NMT2: variants seen among roughly 807,000 people sequenced by gnomAD.
The protein encoded by NMT2 is N-myristoyltransferase 2.
A neutral mutation model predicts 65.4 loss-of-function variants in NMT2; 35 were observed. That is an observed-to-expected ratio of 0.54 (90% CI 0.41 to 0.71). The LOEUF is 0.71. NMT2 is among the 30% of genes least tolerant of loss of function. The pLI is 0.00. For synonymous variants in NMT2, 226 were observed against 231.8 expected (o/e 0.98, Z 0.23); for missense variants, 489 against 611.3 (o/e 0.80, Z 2.11).
chr10:15,137,793 A>C (rs571902171), intron 2 of NMT2, among the ~76,000 whole-genome samples: 3 of 152,114 alleles, frequency 2.0e-5, no homozygotes, highest in African/African-American at 7.2e-5. Flanking sequence ...TATCAAACTC[A>C]AACTATTTTG....
chr10:15,132,065 A>T (rs575979669), intron 6 of NMT2, among the ~76,000 whole-genome samples: 1 of 152,116 alleles, frequency 6.6e-6, no homozygotes, highest in East Asian at 1.9e-4. Flanking sequence ...GGGTTTCGCC[A>T]TGTTGGCCAG....
In NMT2 at chr10:15,135,387, T is replaced by A. The variant is rs759594618; in HGVS notation, c.278A>T (p.Asp93Val). The change falls in exon 3 of 12, where the codon GAT becomes GTT. Residue 93 changes from aspartate (D) to valine (V), a missense_variant. Asp to Val is a radical substitution (Grantham distance 152). Coordinates refer to ENST00000378165, the MANE Select transcript of NMT2 (RefSeq NM_004808.3). The part of the protein sequence containing the change: ...NPSVPMQKLQ[D>V]IQRAMELLSA... The stretch of plus-strand genomic sequence containing the variant: ...TAGCAGCTCCATTGCTCTCTGGATA[T>A]CCTGCAACTTCTGCATTGGAACACT... The A allele has an allele frequency of 3.7e-5, 60 of 1,614,080 alleles. No homozygotes were observed. The highest frequency in any genetic ancestry group is 2.3e-4 in the Admixed American group (14 of 60,002).
rs201561074 is a variant in NMT2, at chr10:15,139,863, CTATATATATATA to C, written c.246+1547_246+1558del. ...AAAGCTTGTAGAATGGTAACAACTA[CTATATATATATA>C]TATATATATATATATATATATATAT... On this transcript the variant is annotated intron_variant, in intron 2 of 11. Coordinates refer to ENST00000378165, the MANE Select transcript of NMT2 (RefSeq NM_004808.3). The C allele has an allele frequency of 8.8e-3, 613 of 69,608 alleles. 8 individuals carry two copies. The highest frequency in any genetic ancestry group is 0.017 in the African/African-American group (505 of 29,842). 4.3% of individuals were successfully genotyped at this position (69,608 alleles called of 1,614,324 possible). A position where few individuals can be genotyped will look rare whatever the true frequency, so the allele number is the denominator to read the frequency against.
chr10:15,138,300 C>A, intron 2 of NMT2: 1 of 466,764 alleles, frequency 2.1e-6, no homozygotes. Context: ...CATGAACAAC[C>A]ACATACGGCT....
At chr10:15,131,835 G>A (rs921150378) in intron 6 of NMT2, among the ~76,000 whole-genome samples, 3 of 152,090 alleles carry the variant, frequency 2.0e-5, no homozygotes, top group Admixed American at 1.3e-4. Context: ...ATCCTATGGA[G>A]AGAAAGCTTT....
chr10:15,135,176 T>C (rs1846431876), intron 3 of NMT2, 98 bp downstream of exon 3: 1 of 1,229,510 alleles, frequency 8.1e-7, no homozygotes, highest in African/African-American at 1.6e-5. Flanking sequence ...ACATGTGAAG[T>C]TAACACTCTT....
intron 9 of NMT2, among the ~76,000 whole-genome samples, chr10:15,114,442 A>AAC (rs1845677458): frequency 6.6e-6 from 1 of 152,192 alleles, no homozygotes; most frequent in Non-Finnish European, 1.5e-5. Context: ...AAGACTGATA[A>AAC]AAAACAAAAC....
Position 15,130,183 on chromosome 10 carries a change from G to C in NMT2, c.849C>G (p.Tyr283Ter). Residue 283 changes from tyrosine to a stop codon, truncating the protein, a stop_gained, in exon 7 of 12, where the codon TAC becomes TAG. Transcript: ENST00000378165. LOFTEE classifies it high-confidence loss of function. ...VNLEGIFQAV[Y>*]TAGVVLPKPI... The stretch of plus-strand genomic sequence containing the variant: ...GCTTAGGAAGAACCACTCCCGCGGT[G>C]TACACAGCCTGGAAGATCCCTTCCA... 1 of 1,596,998 alleles carries C rather than the reference G, an allele frequency of 6.3e-7. No individual in the cohort carries two copies. Among genetic ancestry groups the C allele is most frequent in the Non-Finnish European group, 8.5e-7 (1 of 1,170,534 alleles).
chr10:15,119,063 G>C (rs76273004), intron 9 of NMT2, among the ~76,000 whole-genome samples: 2,511 of 152,286 alleles, frequency 0.016, 70 homozygotes, highest in African/African-American at 0.057. Context: ...AAAGCTGCTG[G>C]TGCCTTAGCA....
At chr10:15,142,576 CT>C in intron 1 of NMT2, among the ~76,000 whole-genome samples, 1 of 152,148 alleles carries the variant, frequency 6.6e-6, no homozygotes, top group East Asian at 1.9e-4. Context: ...GAACTGAGCA[CT>C]TGAGCTATAG....
chr10:15,151,391 G>T (rs1832797907), intron 1 of NMT2, among the ~76,000 whole-genome samples: 6 of 152,024 alleles, frequency 3.9e-5, no homozygotes, highest in Admixed American at 3.9e-4. Context: ...AACAATTTTG[G>T]TGTCTACATC....
rs148457446 is a variant in NMT2, at chr10:15,168,535, C to T, written c.78G>A (p.Gly26=). Reference sequence around the variant, plus strand: ...CGTGCTCCGTCTCCTCCTCATTGTCCCCGTCTATCCCGCACGTGTCCTGGT... The same window carrying T: ...CGTGCTCCGTCTCCTCCTCATTGTCTCCGTCTATCCCGCACGTGTCCTGGT... ...LDDQDTCGID[G]DNEEETEHAK... is the part of the protein sequence containing the mutation. Residue 26 remains glycine (G), a synonymous_variant, in exon 1 of 12, where the codon GGG becomes GGA. Transcript: ENST00000378165. The T allele has an allele frequency of 2.5e-6, 4 of 1,592,924 alleles. No individual in the cohort carries two copies. The African/African-American group carries it at 4.1e-5, about 16-fold the overall frequency.
At chr10:15,153,313 T>C (rs1832869418) in intron 1 of NMT2, among the ~76,000 whole-genome samples, 1 of 152,226 alleles carries the variant, frequency 6.6e-6, no homozygotes, top group African/African-American at 2.4e-5. Flanking sequence ...TATTTTGATA[T>C]ATAAAGACCT....
Position 15,130,327 on chromosome 10 carries a change from T to C in NMT2, c.720-15A>G, listed in dbSNP as rs1846234431. ...TCTTCTTCACACTAAGAAATAAAGATGGTGAAGATTAAGAGTCAAAACGAG... is the reference window on the plus strand; with the variant it reads ...TCTTCTTCACACTAAGAAATAAAGACGGTGAAGATTAAGAGTCAAAACGAG... On this transcript the variant is annotated splice_polypyrimidine_tract_variant and intron_variant, in intron 6 of 11. Transcript: ENST00000378165. The C allele has an allele frequency of 2.0e-6, 3 of 1,531,952 alleles. No individual in the cohort carries two copies. Among genetic ancestry groups the C allele is most frequent in the Non-Finnish European group, 2.6e-6 (3 of 1,134,458 alleles). 94.9% of individuals were successfully genotyped at this position (1,531,952 alleles called of 1,614,324 possible).
intron 1 of NMT2, among the ~76,000 whole-genome samples, chr10:15,150,971 A>T (rs1026844173): frequency 9.2e-5 from 14 of 151,750 alleles, no homozygotes; most frequent in African/African-American, 3.1e-4. Flanking sequence ...CTCTTCTTAC[A>T]TATTGGGTTG....
At chr10:15,128,822 T>C (rs1033253232) in intron 7 of NMT2, among the ~76,000 whole-genome samples, 1 of 152,118 alleles carries the variant, frequency 6.6e-6, no homozygotes, top group Non-Finnish European at 1.5e-5. Flanking sequence ...CTGGCCAACA[T>C]GGTGAAACCC....
intron 8 of NMT2, among the ~76,000 whole-genome samples, chr10:15,125,932 T>G (rs1276037547): frequency 6.6e-6 from 1 of 151,974 alleles, no homozygotes; most frequent in Non-Finnish European, 1.5e-5. Context: ...CCCAAAGTGC[T>G]GGGATTACAG....
In NMT2 at chr10:15,130,185, A is replaced by G; in HGVS notation, c.847T>C (p.Tyr283His). The G allele has an allele frequency of 6.2e-7, 1 of 1,600,682 alleles. No homozygotes were observed. Among genetic ancestry groups the G allele is most frequent in the Non-Finnish European group, 8.5e-7 (1 of 1,172,778 alleles). The change falls in exon 7 of 12, where the codon TAC (tyrosine) becomes CAC (histidine). Residue 283 changes from tyrosine to histidine, a missense_variant. Physicochemically the swap from Tyr to His is moderately conservative, Grantham distance 83. Transcript: ENST00000378165. The part of the protein sequence containing the change: ...VNLEGIFQAV[Y>H]TAGVVLPKPI... ...TTAGGAAGAACCACTCCCGCGGTGTACACAGCCTGGAAGATCCCTTCCAGG... is the reference window on the plus strand; with the variant it reads ...TTAGGAAGAACCACTCCCGCGGTGTGCACAGCCTGGAAGATCCCTTCCAGG...
intron 9 of NMT2, among the ~76,000 whole-genome samples, chr10:15,114,478 C>T (rs374830237): frequency 1.3e-5 from 2 of 152,216 alleles, no homozygotes; most frequent in East Asian, 1.9e-4. Flanking sequence ...AAAAAAACCC[C>T]GCTCACAACA....
Sources: gnomAD v4.1 joint callset for allele counts (sites outside exome capture counted in the v4.1 genomes callset) on GRCh38, gnomAD v4.1.1 for gene constraint, MANE v1.5 for transcripts, NCBI Gene and HGNC (gene_info 2026-07-23, HGNC 2026-07-21) for gene names.